Variants in ATRNL1 observed in about 807,000 individuals in gnomAD.
ATRNL1 encodes attractin-like protein 1.
Under a neutral mutation model 182.7 loss-of-function variants are expected in ATRNL1, and 95 were observed. The ratio of observed to expected loss-of-function variants is 0.52; its 90% CI spans 0.44 to 0.62. The LOEUF (loss-of-function observed/expected upper bound fraction) is 0.62. Among genes scored for constraint, ATRNL1 ranks in the 20% least tolerant of loss-of-function variants. ATRNL1 has a pLI of 0.00. For synonymous variants in ATRNL1, 576 were observed against 568.3 expected (o/e 1.01, Z -0.19); for missense variants, 1,471 against 1,679.5 (o/e 0.88, Z 2.17).
intron 26 of ATRNL1, among the ~76,000 whole-genome samples, chr10:115,677,544 C>A (rs975482491): frequency 6.6e-6 from 1 of 152,038 alleles, no homozygotes; most frequent in African/African-American, 2.4e-5. Flanking sequence ...ACAAGTCTCA[C>A]GAGATCTGAT....
At chr10:115,340,918 T>C (rs1855724110) in intron 19 of ATRNL1, among the ~76,000 whole-genome samples, 1 of 151,986 alleles carries the variant, frequency 6.6e-6, no homozygotes, top group Non-Finnish European at 1.5e-5. Flanking sequence ...TCTTCTCTGT[T>C]TTTTCTTAGT....
intron 26 of ATRNL1, among the ~76,000 whole-genome samples, chr10:115,602,853 C>A (rs1273213047): frequency 2.5e-3 from 315 of 126,514 alleles, no homozygotes; most frequent in Middle Eastern, 4.5e-3. Context: ...GACTCCGTCT[C>A]AAAAAAAAAA....
At chr10:115,499,811 C>T (rs1486655180) in intron 24 of ATRNL1, among the ~76,000 whole-genome samples, 1 of 152,196 alleles carries the variant, frequency 6.6e-6, no homozygotes, top group East Asian at 1.9e-4. Context: ...TGGCCCTAAG[C>T]AGTTCCCAGC....
intron 27 of ATRNL1, among the ~76,000 whole-genome samples, chr10:115,815,204 A>G (rs1374862052): frequency 6.6e-6 from 1 of 152,200 alleles, no homozygotes; most frequent in African/African-American, 2.4e-5. Flanking sequence ...TGAATATAAT[A>G]GAGTCTCACA....
At chr10:115,217,138 G>A (rs1230389987) in intron 9 of ATRNL1, among the ~76,000 whole-genome samples, 2 of 151,796 alleles carry the variant, frequency 1.3e-5, no homozygotes, top group African/African-American at 4.8e-5. Flanking sequence ...GCCCAGGCTG[G>A]AGTGCAGTGG....
intron 26 of ATRNL1, among the ~76,000 whole-genome samples, chr10:115,683,932 T>C (rs1946135483): frequency 6.6e-6 from 1 of 151,610 alleles, no homozygotes; most frequent in Admixed American, 6.6e-5. Context: ...CCTAAGAAAA[T>C]TTTCATTGAC....
intron 26 of ATRNL1, among the ~76,000 whole-genome samples, chr10:115,686,137 T>C (rs971890780): frequency 6.6e-6 from 1 of 151,932 alleles, no homozygotes; most frequent in African/African-American, 2.4e-5. Context: ...AGCATTTTAT[T>C]TGAATATGAA....
intron 27 of ATRNL1, among the ~76,000 whole-genome samples, chr10:115,788,665 C>T (rs1949452894): frequency 6.6e-6 from 1 of 152,152 alleles, no homozygotes; most frequent in South Asian, 2.1e-4. Flanking sequence ...ATTGTCCCCA[C>T]CAAAATGGTA....
intron 28 of ATRNL1, among the ~76,000 whole-genome samples, chr10:115,865,620 C>T (rs960383184): frequency 2.6e-5 from 4 of 151,992 alleles, no homozygotes; most frequent in African/African-American, 9.7e-5. Context: ...AGAAAAATAC[C>T]CCTATCTTAC....
chr10:115,445,506 CGT>C (rs57237450), intron 21 of ATRNL1, among the ~76,000 whole-genome samples: 16,507 of 118,984 alleles, frequency 0.14, 1,055 homozygotes, highest in Middle Eastern at 0.19. Context: ...CTCATTTGTC[CGT>C]GTGTGTGTGT....
intron 1 of ATRNL1, chr10:115,096,888 C>T (rs1447249242): frequency 3.3e-6 from 3 of 901,796 alleles, no homozygotes; most frequent in East Asian, 8.0e-5. Context: ...GACTAAAGGA[C>T]TTGGGATTGA....
Position 115,727,323 on chromosome 10 carries a change from GAACA to G in ATRNL1, c.3876_3879del (p.Thr1293SerfsTer7), listed in dbSNP as rs782171685. Reference sequence around the variant, plus strand: ...TGATGTAGCTCTGGAAGTGGGAGCTGAACAAACAGAGTTTCTGCGAGGGCCATTA... The same window carrying G: ...TGATGTAGCTCTGGAAGTGGGAGCTGAACAGAGTTTCTGCGAGGGCCATTA... On this transcript the variant is annotated frameshift_variant, in exon 27 of 29. Transcript: ENST00000355044. LOFTEE classifies it high-confidence loss of function. 1.9e-5 allele frequency: 31 copies of G among 1,614,096 alleles called. No individual in the cohort carries two copies. The highest frequency in any genetic ancestry group is 2.5e-5 in the Non-Finnish European group (29 of 1,179,978).
intron 21 of ATRNL1, among the ~76,000 whole-genome samples, chr10:115,429,244 G>A (rs564391274): frequency 2.6e-5 from 4 of 151,972 alleles, no homozygotes; most frequent in African/African-American, 4.8e-5. Context: ...AATAAAATTC[G>A]TTTTAGTATA....
At chr10:115,185,700 T>A (rs1168614561) in intron 8 of ATRNL1, among the ~76,000 whole-genome samples, 14 of 151,936 alleles carry the variant, frequency 9.2e-5, no homozygotes, top group African/African-American at 3.4e-4. Flanking sequence ...GGGTATGAAA[T>A]TTTTTTATGA....
Position 115,586,403 on chromosome 10 carries a change from G to A in ATRNL1, c.3795+36867G>A, listed in dbSNP as rs561129496. ...CTTTCAGGTACACCAATCAGACGTG[G>A]ATTTGGTCTTTTCAGATAGTCCCAT... On this transcript the variant is annotated intron_variant, in intron 26 of 28. Coordinates refer to ENST00000355044, the MANE Select transcript of ATRNL1 (RefSeq NM_207303.4). Among the ~76,000 whole-genome samples the A allele has an allele frequency of 1.4e-3, 153 of 106,608 alleles. 7 individuals are homozygous for A. The highest frequency in any genetic ancestry group is 4.2e-3 in the African/African-American group (149 of 35,532). 69.9% of individuals were successfully genotyped at this position (106,608 alleles called of 152,430 possible). A position where few individuals can be genotyped will look rare whatever the true frequency, so the allele number is the denominator to read the frequency against.
chr10:115,926,431 G>A (rs782409526), intron 28 of ATRNL1, among the ~76,000 whole-genome samples: 2 of 151,524 alleles, frequency 1.3e-5, no homozygotes, highest in Non-Finnish European at 2.9e-5. Flanking sequence ...GAAGGAGATA[G>A]AGACACAAAA....
chr10:115,362,588 T>C lies in ATRNL1; in HGVS notation c.3175+28169T>C, dbSNP rs377058113. Among the ~76,000 whole-genome samples the C allele has an allele frequency of 7.0e-4, 106 of 152,112 alleles. 2 individuals carry two copies. In the South Asian group the frequency reaches 0.021, roughly 31 times the overall value. ...ACATTGTGCAGGTTAGTTACATATG[T>C]ATACATGTGCCATGCTGGTGTGCTG... is the stretch of plus-strand genomic sequence containing the variant. On this transcript the variant is annotated intron_variant, in intron 19 of 28. Coordinates refer to ENST00000355044, the MANE Select transcript of ATRNL1 (RefSeq NM_207303.4).
chr10:115,737,152 A>G (rs1324132114), intron 27 of ATRNL1, among the ~76,000 whole-genome samples: 3 of 151,744 alleles, frequency 2.0e-5, no homozygotes, highest in Non-Finnish European at 4.4e-5. Context: ...TTGGGTAGGC[A>G]CGGTGGCTCA....
intron 28 of ATRNL1, among the ~76,000 whole-genome samples, chr10:115,878,744 C>A (rs528348516): frequency 6.6e-6 from 1 of 152,028 alleles, no homozygotes; most frequent in African/African-American, 2.4e-5. Flanking sequence ...TTGTTAATAC[C>A]GTTAATACCA....
Sources: allele counts gnomAD v4.1 joint callset (sites outside exome capture counted in the v4.1 genomes callset), GRCh38; gene constraint gnomAD v4.1.1; transcripts MANE v1.5; gene names NCBI Gene and HGNC (gene_info 2026-07-23, HGNC 2026-07-21).